Variants in LARP7 observed in about 807,000 individuals in gnomAD.
LARP7 encodes the protein la-related protein 7.
LARP7 carries 52 observed loss-of-function variants against 69.3 expected under a neutral mutation model. The ratio of observed to expected loss-of-function variants is 0.75; its 90% confidence interval spans 0.60 to 0.95. The LOEUF (loss-of-function observed/expected upper bound fraction) is 0.95, where lower values mean the gene tolerates loss of function less well. Among genes scored for constraint, LARP7 ranks in the 40% least tolerant of loss-of-function variants. LARP7 has a pLI of 0.00. For missense variants in LARP7, 733 were observed against 673.0 expected (o/e 1.09, Z -0.99); for synonymous variants, 254 against 215.9 (o/e 1.18, Z -1.55).
In LARP7 at chr4:112,648,524, C is replaced by T. The variant is rs190807868; in HGVS notation, c.1142+690C>T. On this transcript the variant is annotated intron_variant, in intron 8 of 12. Transcript: ENST00000344442. ...ATGGAAGCACTTACTTTTAAAGTCA[C>T]AGAAAGCACTTCCATGTTAAAGTTG... is the stretch of plus-strand genomic sequence containing the variant. 301 of 533,246 alleles carry T rather than the reference C, an allele frequency of 5.6e-4. 4 individuals are homozygous for T. The Admixed American group carries it at 5.8e-3, about 10-fold the overall frequency. The allele number at this position is 533,246 out of a possible 1,614,324, so 33.0% of individuals were successfully genotyped here. A position where few individuals can be genotyped will look rare whatever the true frequency, so the allele number is the denominator to read the frequency against.
At chr4:112,642,851 C>A (rs116799514) in intron 1 of LARP7, among the ~76,000 whole-genome samples, 6,675 of 152,310 alleles carry the variant, frequency 0.044, 229 homozygotes, top group Middle Eastern at 0.075. Flanking sequence ...AGGCATAAGG[C>A]CTCCATGCCA....
At chr4:112,644,220 C>T (rs2149255327) in intron 1 of LARP7, 1 of 163,720 alleles carries the variant, frequency 6.1e-6, no homozygotes, top group East Asian at 1.2e-4. Context: ...CCAGCCTGCA[C>T]AACAAAAGGG....
intron 10 of LARP7, 48 bp downstream of exon 10, chr4:112,650,630 A>C: frequency 6.5e-7 from 1 of 1,547,708 alleles, no homozygotes. Flanking sequence ...TTCTCTTATT[A>C]TTTCCCTGTG....
intron 10 of LARP7, among the ~76,000 whole-genome samples, chr4:112,652,293 T>TTCCC (rs2048778294): frequency 2.1e-5 from 2 of 97,264 alleles, no homozygotes; most frequent in African/African-American, 5.6e-5. Context: ...AAATAAGATT[T>TTCCC]CCCCCCCCCC....
chr4:112,644,871 T>A lies in LARP7; in HGVS notation c.202T>A (p.Tyr68Asn). Residue 68 changes from tyrosine (Y) to asparagine (N), a missense_variant and splice_region_variant, in exon 2 of 13, where the codon TAT becomes AAT. Tyr to Asn is a moderately radical substitution (Grantham distance 143). Transcript: ENST00000344442. ...REQIEKSRDG[Y>N]VDISLLVSFN... ...ACAGATAGAAAAATCTAGAGATGGA[T>A]GTAAGTTTGCTTCAGTAAAGGAACC... 13 of 1,548,446 alleles carry A rather than the reference T, an allele frequency of 8.4e-6. No individual in the cohort carries two copies. Among genetic ancestry groups the A allele is most frequent in the Non-Finnish European group, 1.1e-5 (13 of 1,143,888 alleles).
At chr4:112,650,109 C>T (rs995157031) in intron 9 of LARP7, 11 of 184,756 alleles carry the variant, frequency 6.0e-5, no homozygotes, top group South Asian at 1.4e-4. Flanking sequence ...TAAATGTTCA[C>T]GTTTGAATAA....
At chr4:112,645,462 A>G (rs2048147112) in intron 2 of LARP7, 1 of 455,876 alleles carries the variant, frequency 2.2e-6, no homozygotes, top group Non-Finnish European at 4.4e-6. Context: ...AGAGTGCTAT[A>G]CTTTAGTTCA....
intron 1 of LARP7, among the ~76,000 whole-genome samples, chr4:112,638,705 G>T (rs531973942): frequency 1.3e-5 from 2 of 152,270 alleles, no homozygotes; most frequent in African/African-American, 4.8e-5. Context: ...CTAGGTTTGT[G>T]TGAATACATC....
At position 112,646,388 on chromosome 4, in the gene LARP7, G is replaced by A. The variant is rs908150942; in HGVS notation, c.240G>A (p.Met80Ile). 7.5e-6 allele frequency: 12 copies of A among 1,599,082 alleles called. No homozygotes were observed. Among genetic ancestry groups the A allele is most frequent in the Non-Finnish European group, 9.4e-6 (11 of 1,168,212 alleles). The stretch of plus-strand genomic sequence containing the variant: ...CACTACTTGTGTCTTTTAACAAAAT[G>A]AAAAAATTGACTACTGATGGGAAGT... ...DISLLVSFNKMKKLTTDGKLI... is the reference protein window; with the variant it reads ...DISLLVSFNKIKKLTTDGKLI... Residue 80 changes from methionine (M) to isoleucine (I), a missense_variant, in exon 3 of 13, where the codon ATG (methionine) becomes ATA (isoleucine). Coordinates refer to ENST00000344442, the MANE Select transcript of LARP7 (RefSeq NM_016648.4).
chr4:112,647,150 A>G (rs1222185652), intron 6 of LARP7, 23 bp downstream of exon 6: 1 of 1,598,646 alleles, frequency 6.3e-7, no homozygotes, highest in East Asian at 2.2e-5. Context: ...CAATATTTAA[A>G]TAGGTGTAGT....
chr4:112,653,337 TC>T, intron 11 of LARP7, 101 bp downstream of exon 11: 1 of 869,930 alleles, frequency 1.1e-6, no homozygotes, highest in Non-Finnish European at 1.7e-6. Context: ...TTTTTTTTGG[TC>T]TTGCTCTGTC....
At chr4:112,649,847 TACTC>T (rs2048630389) in intron 9 of LARP7, 161 bp downstream of exon 9, 1 of 448,500 alleles carries the variant, frequency 2.2e-6, no homozygotes, top group East Asian at 3.9e-5. Context: ...ATGTGTTACT[TACTC>T]TTGATATAAG....
chr4:112,653,258 C>CTTT, intron 11 of LARP7, 22 bp downstream of exon 11: 4 of 1,345,984 alleles, frequency 3.0e-6, no homozygotes, highest in South Asian at 3.0e-5. Context: ...TAGACGTTTC[C>CTTT]TTTTTTTTTT....
At chr4:112,644,357 A>G (rs923526444) in intron 1 of LARP7, 1 of 466,676 alleles carries the variant, frequency 2.1e-6, no homozygotes, top group Middle Eastern at 4.0e-4. Flanking sequence ...TTAATCTTAC[A>G]CTTTTCACTT....
At chr4:112,651,834 G>T (rs2048754433) in intron 10 of LARP7, among the ~76,000 whole-genome samples, 1 of 152,074 alleles carries the variant, frequency 6.6e-6, no homozygotes, top group African/African-American at 2.4e-5. Context: ...CTTTTGAGTT[G>T]TAGTAATTGA....
rs778498084 is a variant in LARP7 at position 112,644,887 on chromosome 4, T to C, written c.202+16T>C. The C allele has an allele frequency of 4.3e-6, 6 of 1,388,818 alleles. No individual in the cohort carries two copies. The East Asian group carries it at 1.3e-4, about 29-fold the overall frequency. The allele number at this position is 1,388,818 out of a possible 1,614,324, so 86.0% of individuals were successfully genotyped here. On this transcript the variant is annotated intron_variant, in intron 2 of 12. Coordinates refer to ENST00000344442, the MANE Select transcript of LARP7 (RefSeq NM_016648.4). ...AGAGATGGATGTAAGTTTGCTTCAG[T>C]AAAGGAACCAATTTTTAGATATGGT...
At chr4:112,653,610 A>G (rs1424181638) in intron 11 of LARP7, among the ~76,000 whole-genome samples, 2 of 152,120 alleles carry the variant, frequency 1.3e-5, no homozygotes, top group African/African-American at 2.4e-5. Context: ...TCAGCCTCCC[A>G]GGTTAGCTGG....
chr4:112,642,437 A>G (rs537282734), intron 1 of LARP7, among the ~76,000 whole-genome samples: 3 of 152,332 alleles, frequency 2.0e-5, no homozygotes, highest in Admixed American at 6.5e-5. Context: ...GAGTTTGATG[A>G]GAATGCATGT....
intron 12 of LARP7, 29 bp downstream of exon 12, chr4:112,654,188 C>G (rs2048867737): frequency 1.3e-6 from 2 of 1,493,952 alleles, no homozygotes; most frequent in East Asian, 2.3e-5. Context: ...TTTTTTTAGA[C>G]TAAACTTTCC....
Sources: allele counts gnomAD v4.1 joint callset (sites outside exome capture counted in the v4.1 genomes callset), GRCh38; gene constraint gnomAD v4.1.1; transcripts MANE v1.5; gene names NCBI Gene and HGNC (gene_info 2026-07-23, HGNC 2026-07-21).